CDK12: variants seen among roughly 807,000 people sequenced by gnomAD.
CDK12 encodes cyclin-dependent kinase 12.
Under a neutral mutation model 133.8 loss-of-function variants are expected in CDK12, and 17 were observed. That is an observed-to-expected ratio of 0.13 (90% CI 0.09 to 0.19). CDK12 has a LOEUF of 0.19. Ranked by LOEUF, CDK12 falls within the 10% of genes least tolerant of loss-of-function variation. The pLI, the probability that CDK12 is intolerant of heterozygous loss-of-function variation, is 1.00. For missense variants in CDK12, 1,508 were observed against 1,818.7 expected (o/e 0.83, Z 3.11); for synonymous variants, 694 against 683.6 (o/e 1.02, Z -0.24).
At chr17:39,541,807 A>C (rs2055431731) in intron 1 of CDK12, among the ~76,000 whole-genome samples, 1 of 152,210 alleles carries the variant, frequency 6.6e-6, no homozygotes, top group African/African-American at 2.4e-5. Context: ...TCACTTCCTG[A>C]TGGAATGACA....
intron 6 of CDK12, among the ~76,000 whole-genome samples, chr17:39,503,322 C>T (rs1456828589): frequency 6.6e-6 from 1 of 152,186 alleles, no homozygotes; most frequent in Non-Finnish European, 1.5e-5. Context: ...ATCTGCCCCA[C>T]TTGGCCTCCC....
intron 2 of CDK12, among the ~76,000 whole-genome samples, chr17:39,486,253 C>CTT (rs35710234): frequency 1.2e-3 from 100 of 86,530 alleles, no homozygotes; most frequent in African/African-American, 1.9e-3. Context: ...CACCCTGCCT[C>CTT]TTTTTTTTTT....
At chr17:39,514,927 C>CAG in intron 8 of CDK12, among the ~76,000 whole-genome samples, 1 of 152,234 alleles carries the variant, frequency 6.6e-6, no homozygotes, top group East Asian at 1.9e-4. Flanking sequence ...TGCATTCTGT[C>CAG]ACTATAATTT....
chr17:39,476,965 C>T (rs1043774148), intron 2 of CDK12, among the ~76,000 whole-genome samples: 1 of 151,256 alleles, frequency 6.6e-6, no homozygotes, highest in Non-Finnish European at 1.5e-5. Context: ...CCACCTGCCT[C>T]GGGCTTCCAA....
intron 7 of CDK12, among the ~76,000 whole-genome samples, chr17:39,510,180 C>T (rs1251076734): frequency 7.2e-6 from 1 of 139,732 alleles, no homozygotes; most frequent in African/African-American, 2.8e-5. Context: ...AGTGCAGTGG[C>T]GTGATCTCGG....
At chr17:39,566,663 G>A (rs1016600491), downstream of CDK12, among the ~76,000 whole-genome samples, 3 of 152,078 alleles carry the variant, frequency 2.0e-5, no homozygotes, top group Non-Finnish European at 4.4e-5. Flanking sequence ...TGGGCTCTAC[G>A]CCGTCTTGGG....
chr17:39,517,425 T>G lies in CDK12; in HGVS notation c.2847-15T>G. ...CTCACTCACTCCATTGTTCTTGCTTTTGCTTTGTTTTCAGCCGACTTTGTG... is the reference window on the plus strand; with the variant it reads ...CTCACTCACTCCATTGTTCTTGCTTGTGCTTTGTTTTCAGCCGACTTTGTG... On this transcript the variant is annotated splice_polypyrimidine_tract_variant and intron_variant, in intron 9 of 13. Coordinates refer to ENST00000447079, the MANE Select transcript of CDK12 (RefSeq NM_016507.4). 1.3e-6 allele frequency: 2 copies of G among 1,504,814 alleles called. No individual in the cohort carries two copies. Among genetic ancestry groups the G allele is most frequent in the Non-Finnish European group, 1.8e-6 (2 of 1,084,190 alleles). The allele number at this position is 1,504,814 out of a possible 1,614,324, so 93.2% of individuals were successfully genotyped here. A position where few individuals can be genotyped will look rare whatever the true frequency, so the allele number is the denominator to read the frequency against.
intron 8 of CDK12, among the ~76,000 whole-genome samples, 169 bp downstream of exon 8, chr17:39,511,799 A>G (rs1367396821): frequency 6.6e-6 from 1 of 151,522 alleles, no homozygotes; most frequent in Non-Finnish European, 1.5e-5. Flanking sequence ...AATGTCAGAG[A>G]CCCTTTTTTT....
chr17:39,522,317 C>T (rs930379159), intron 11 of CDK12, among the ~76,000 whole-genome samples: 3 of 152,088 alleles, frequency 2.0e-5, no homozygotes, highest in South Asian at 2.1e-4. Context: ...GAAGTCCCGA[C>T]CTCAGGTAAT....
intron 8 of CDK12, among the ~76,000 whole-genome samples, chr17:39,513,523 C>G (rs2053616956): frequency 6.6e-6 from 1 of 152,182 alleles, no homozygotes; most frequent in Non-Finnish European, 1.5e-5. Context: ...ATTGTCACAA[C>G]TAGGCTCTAA....
intron 4 of CDK12, among the ~76,000 whole-genome samples, 188 bp downstream of exon 4, chr17:39,493,078 C>T (rs1464264355): frequency 6.6e-6 from 1 of 151,502 alleles, no homozygotes; most frequent in East Asian, 1.9e-4. Flanking sequence ...CTGCAAGCTC[C>T]GCCTCCTGGG....
At position 39,461,961 on chromosome 17, in the gene CDK12, C is replaced by A. The variant is rs886758353; in HGVS notation, c.-111C>A. 2 of 818,546 alleles carry A rather than the reference C, an allele frequency of 2.4e-6. No individual in the cohort carries two copies. Among genetic ancestry groups the A allele is most frequent in the Non-Finnish European group, 3.8e-6 (2 of 530,340 alleles). The allele number at this position is 818,546 out of a possible 1,614,324, so 50.7% of individuals were successfully genotyped here. A position where few individuals can be genotyped will look rare whatever the true frequency, so the allele number is the denominator to read the frequency against. ...GCTACCGTCCCTGCCCTCCCCACCC[C>A]CTTCCCGGGGCGCTTTGGTGGGCGT... On this transcript the variant is annotated 5_prime_UTR_variant, in exon 1 of 14. Coordinates refer to ENST00000447079, the MANE Select transcript of CDK12 (RefSeq NM_016507.4).
At chr17:39,537,555 T>TTATTTATTTATA (rs1452398787), downstream of CDK12, among the ~76,000 whole-genome samples, 13 of 145,866 alleles carry the variant, frequency 8.9e-5, no homozygotes, top group African/African-American at 3.5e-4. Context: ...TTTTATTTAT[T>TTATTTATTTATA]TATTTATTTA....
At chr17:39,535,734 T>C (rs2055106234), downstream of CDK12, among the ~76,000 whole-genome samples, 1 of 152,186 alleles carries the variant, frequency 6.6e-6, no homozygotes, top group African/African-American at 2.4e-5. Context: ...CTTAACTGTA[T>C]GGTTAATGCC....
chr17:39,559,371 A>T (rs746592011), intron 3 of CDK12, among the ~76,000 whole-genome samples: 7 of 152,224 alleles, frequency 4.6e-5, no homozygotes, highest in Non-Finnish European at 1.0e-4. Context: ...ATTAAGTACT[A>T]TACAATTTTA....
chr17:39,490,615 C>T lies in CDK12; in HGVS notation c.1990C>T (p.His664Tyr). The change falls in exon 3 of 14, where the codon CAC (histidine) becomes TAC (tyrosine). Residue 664 changes from histidine to tyrosine, a missense_variant. This residue lies in a region of CDK12 where 347 missense variants were observed against 330.8 expected (regional missense o/e 1.05). Coordinates refer to ENST00000447079, the MANE Select transcript of CDK12 (RefSeq NM_016507.4). ...VKKEKEQRTR[H>Y]LLTDLPLPPE... ...GAAAGAGAAGGAACAGAGGACACGT[C>T]ACTTACTCACAGACCTTCCTCTCCC... is the stretch of plus-strand genomic sequence containing the variant. 2 of 1,613,534 alleles carry T rather than the reference C, an allele frequency of 1.2e-6. No homozygotes were observed. Among genetic ancestry groups the T allele is most frequent in the Non-Finnish European group, 8.5e-7 (1 of 1,179,562 alleles).
chr17:39,462,865 G>A lies in CDK12; in HGVS notation c.794G>A (p.Ser265Asn). The part of the protein sequence containing the change: ...TSSNYDSYKK[S>N]PGSTSRRQSV... ...AGCAATTATGACTCCTACAAGAAAAGTCCTGGAAGTACCTCGAGAAGGCAG... is the reference window on the plus strand; with the variant it reads ...AGCAATTATGACTCCTACAAGAAAAATCCTGGAAGTACCTCGAGAAGGCAG... Residue 265 changes from serine (S) to asparagine (N), a missense_variant, in exon 1 of 14, where the codon AGT becomes AAT. Coordinates refer to ENST00000447079, the MANE Select transcript of CDK12 (RefSeq NM_016507.4). 6.2e-7 allele frequency: 1 copy of A among 1,614,126 alleles called. No homozygotes were observed. Among genetic ancestry groups the A allele is most frequent in the Non-Finnish European group, 8.5e-7 (1 of 1,180,022 alleles).
At chr17:39,490,015 G>A (rs1444090712) in intron 2 of CDK12, among the ~76,000 whole-genome samples, 1 of 151,728 alleles carries the variant, frequency 6.6e-6, no homozygotes, top group African/African-American at 2.4e-5. Context: ...AAAGGGAACT[G>A]CAAGTAATAT....
Position 39,560,778 on chromosome 17 carries a change from C to T in CDK12, n.485-3982C>T, listed in dbSNP as rs2056344186. Among the ~76,000 whole-genome samples, 5 of 152,210 alleles carry T rather than the reference C, an allele frequency of 3.3e-5. No individual in the cohort carries two copies. In the South Asian group the frequency reaches 1.0e-3, roughly 32 times the overall value. ...CCTGTAATCCCAGCACTTTGAGAGG[C>T]CGAGGCAGGTGGATCACTTGAGGTC... On this transcript the variant is annotated intron_variant and non_coding_transcript_variant, in intron 3 of 3. Coordinates refer to the CDK12 transcript ENST00000558240.
Sources: gnomAD v4.1 joint callset for allele counts (sites outside exome capture counted in the v4.1 genomes callset) on GRCh38, gnomAD v4.1.1 for gene constraint, gnomAD v4.1.1 regional missense constraint, MANE v1.5 for transcripts, NCBI Gene and HGNC (gene_info 2026-07-23, HGNC 2026-07-21) for gene names.